The following MYO7B variants were observed in gnomAD, a reference collection of about 807,000 sequenced individuals.
MYO7B encodes myosin VIIB, also known as unconventional myosin-VIIb.
MYO7B carries 212 observed loss-of-function variants against 259.7 expected under a neutral mutation model. The ratio of observed to expected loss-of-function variants is 0.82; its 90% confidence interval spans 0.73 to 0.91. The LOEUF (loss-of-function observed/expected upper bound fraction) is 0.91. Among genes scored for constraint, MYO7B ranks in the 40% least tolerant of loss-of-function variants. The pLI is 0.00. For missense variants in MYO7B, 2,732 were observed against 2,813.5 expected (o/e 0.97, Z 0.66); for synonymous variants, 1,197 against 1,166.4 (o/e 1.03, Z -0.54).
At chr2:127,579,319 A>G (rs1270442827) in intron 9 of MYO7B, among the ~76,000 whole-genome samples, 1 of 152,152 alleles carries the variant, frequency 6.6e-6, no homozygotes, top group African/African-American at 2.4e-5. Context: ...ACTTTTCATA[A>G]ACTGTTCTAG....
At chr2:127,572,439 C>G (rs1678680782) in intron 6 of MYO7B, among the ~76,000 whole-genome samples, 3 of 138,738 alleles carry the variant, frequency 2.2e-5, no homozygotes, top group East Asian at 2.4e-4. Flanking sequence ...AAAGACTTTT[C>G]TGTCTTTCCT....
chr2:127,582,852 G>C (rs1679158775), intron 12 of MYO7B, among the ~76,000 whole-genome samples: 1 of 152,272 alleles, frequency 6.6e-6, no homozygotes, highest in Non-Finnish European at 1.5e-5. Flanking sequence ...TGTGGGGTAA[G>C]GCACAGCAGG....
rs766213255 is a variant in MYO7B, at chr2:127,590,111, G to A, written c.1874G>A (p.Arg625Gln). 4.4e-6 allele frequency: 7 copies of A among 1,591,166 alleles called. No homozygotes were observed. Among genetic ancestry groups the A allele is most frequent in the East Asian group, 2.3e-5 (1 of 44,106 alleles). Residue 625 changes from arginine (R) to glutamine (Q), a missense_variant, in exon 16 of 48, where the codon CGG (arginine) becomes CAG (glutamine). By Grantham distance (43) the Arg-to-Gln change is conservative. This residue lies in a region of MYO7B where 1,906 missense variants were observed against 2,026.4 expected (regional missense o/e 0.94). Transcript: ENST00000409816. The surrounding 1 kb of genome is among the most constrained non-coding windows in gnomAD (Gnocchi z 4.6). ...HLFKSADSNK[R>Q]PSTLGSQFKQ... ...TCACAGTCTGCAGACTCAAATAAAC[G>A]GCCCTCCACCTTAGGAAGCCAGTTC...
At position 127,566,741 on chromosome 2, in the gene MYO7B, C is replaced by T. The variant is rs370063306; in HGVS notation, c.384C>T (p.Gly128=). 8.0e-5 allele frequency: 129 copies of T among 1,612,874 alleles called. No individual in the cohort carries two copies. The highest frequency in any genetic ancestry group is 1.2e-4 in the African/African-American group (9 of 75,072). The change falls in exon 5 of 48, where the codon GGC becomes GGT. Residue 128 remains glycine, a synonymous_variant. Transcript: ENST00000409816. ...AGCTCTACTACAGCCGCCATATGGG[C>T]GAGCTGCCCCCGCATGTCTTTGCCA... ...QVQLYYSRHM[G]ELPPHVFAIA...
rs1178295105 is a variant in MYO7B at position 127,539,422 on chromosome 2, A to G, written c.-24+3591A>G. Among the ~76,000 whole-genome samples, 2 of 152,250 alleles carry G rather than the reference A, an allele frequency of 1.3e-5. No homozygotes were observed. The highest frequency in any genetic ancestry group is 2.9e-5 in the Non-Finnish European group (2 of 68,040). On this transcript the variant is annotated intron_variant, in intron 1 of 47. Coordinates refer to ENST00000409816, the MANE Select transcript of MYO7B (RefSeq NM_001393586.1). The surrounding 1 kb of genome is among the most constrained non-coding windows in gnomAD (Gnocchi z 4.0). ...GATTAATAATGTTCTCAAGTTAGGC[A>G]AAAGCCAGTTTCCAAGGGGAAGACC... is the stretch of plus-strand genomic sequence containing the variant.
chr2:127,599,867 C>T (rs981878046), intron 19 of MYO7B, among the ~76,000 whole-genome samples: 3 of 152,106 alleles, frequency 2.0e-5, no homozygotes, highest in East Asian at 3.8e-4. Flanking sequence ...AAACACCACT[C>T]GGTCATAGTG....
At chr2:127,558,487 C>A (rs1677920168) in intron 1 of MYO7B, among the ~76,000 whole-genome samples, 1 of 152,166 alleles carries the variant, frequency 6.6e-6, no homozygotes, top group African/African-American at 2.4e-5. Flanking sequence ...GCAGCAATCC[C>A]ACTACTGGGT....
chr2:127,583,149 A>T (rs1308633320), intron 12 of MYO7B, among the ~76,000 whole-genome samples: 1 of 152,204 alleles, frequency 6.6e-6, no homozygotes, highest in Non-Finnish European at 1.5e-5. Context: ...AAAGGGCTTG[A>T]TGGGACAGAG....
In MYO7B at chr2:127,629,796, C is replaced by G. The variant is rs765335209; in HGVS notation, c.4776C>G (p.Pro1592=). 6.3e-7 allele frequency: 1 copy of G among 1,586,832 alleles called. No individual in the cohort carries two copies. The highest frequency in any genetic ancestry group is 1.1e-5 in the South Asian group (1 of 87,940). The change falls in exon 35 of 48, where the codon CCC becomes CCG. Residue 1592 remains proline, a synonymous_variant. Transcript: ENST00000409816. ...CCATGGCCTGCCTCTACACCATCCC[C>G]ACGGTCACTAAGCCCTCGGCACAGC... is the stretch of plus-strand genomic sequence containing the variant. The part of the protein sequence containing the change: ...LVPMACLYTI[P]TVTKPSAQLL...
At chr2:127,565,182 G>T in intron 3 of MYO7B, 51 bp from the exon 4 acceptor site, 2 of 1,578,946 alleles carry the variant, frequency 1.3e-6, no homozygotes, top group Non-Finnish European at 1.7e-6. Context: ...TGGCAGGCTG[G>T]CCATGGGGAT....
At chr2:127,618,739 C>T (rs1037820868) in intron 26 of MYO7B, among the ~76,000 whole-genome samples, 14 of 152,176 alleles carry the variant, frequency 9.2e-5, no homozygotes, top group African/African-American at 3.4e-4. Context: ...GGGCATGGAG[C>T]TTGGATTCCA....
At chr2:127,632,518 G>A in intron 39 of MYO7B, 117 bp downstream of exon 39, 1 of 1,322,988 alleles carries the variant, frequency 7.6e-7, no homozygotes, top group Non-Finnish European at 1.0e-6. Context: ...CCAGAAGCCA[G>A]TGTCAGCTTG....
At chr2:127,633,226 G>A (rs753015692) in intron 39 of MYO7B, 32 bp from the exon 40 acceptor site, 17 of 1,538,288 alleles carry the variant, frequency 1.1e-5, no homozygotes, top group Admixed American at 1.8e-5. Flanking sequence ...GAGGGTGGGG[G>A]TGGCACCTGC....
At chr2:127,538,847 G>A (rs1430374843) in intron 1 of MYO7B, among the ~76,000 whole-genome samples, 2 of 152,182 alleles carry the variant, frequency 1.3e-5, no homozygotes, top group Non-Finnish European at 2.9e-5. Flanking sequence ...TTACAGGCGT[G>A]AGCCACTGCA....
intron 18 of MYO7B, among the ~76,000 whole-genome samples, chr2:127,595,482 G>C (rs1001464855): frequency 3.3e-5 from 5 of 152,040 alleles, no homozygotes; most frequent in African/African-American, 1.2e-4. Context: ...GTTCTGCTCT[G>C]ATCTTGGTTT....
At chr2:127,620,678 A>T (rs1015714638) in intron 27 of MYO7B, among the ~76,000 whole-genome samples, 2 of 152,206 alleles carry the variant, frequency 1.3e-5, no homozygotes, top group Non-Finnish European at 2.9e-5. Flanking sequence ...TCCAGCCCCT[A>T]CGCAGGGTCT....
intron 42 of MYO7B, 63 bp from the exon 43 acceptor site, chr2:127,635,057 A>AG (rs954162958): frequency 2.2e-6 from 3 of 1,357,262 alleles, no homozygotes. Flanking sequence ...GGGGGGTGGC[A>AG]GGGGGTCAGG....
At chr2:127,601,077 T>C (rs775434923) in intron 19 of MYO7B, among the ~76,000 whole-genome samples, 13 of 152,244 alleles carry the variant, frequency 8.5e-5, no homozygotes, top group Non-Finnish European at 1.9e-4. Context: ...TGAAATTTCC[T>C]CTGTGAAATT....
At chr2:127,582,189 A>C in intron 11 of MYO7B, 115 bp from the exon 12 acceptor site, 1 of 1,468,222 alleles carries the variant, frequency 6.8e-7, no homozygotes, top group Non-Finnish European at 9.2e-7. Context: ...TTGCCTTTGA[A>C]GGAGGGATAA....
Sources: allele counts gnomAD v4.1 joint callset (sites outside exome capture counted in the v4.1 genomes callset), GRCh38; gene constraint gnomAD v4.1.1; regional missense constraint gnomAD v4.1.1; non-coding constraint Gnocchi (gnomAD v3.1); transcripts MANE v1.5; gene names NCBI Gene and HGNC (gene_info 2026-07-23, HGNC 2026-07-21).